Variants in CSMD3 observed in about 807,000 individuals in gnomAD.
CSMD3 encodes the protein CUB and sushi domain-containing protein 3.
Under a neutral mutation model 435.2 loss-of-function variants are expected in CSMD3, and 177 were observed. The observed-to-expected ratio is 0.41, with a 90% CI of 0.36 to 0.46. CSMD3 has a LOEUF of 0.46. Ranked by LOEUF, CSMD3 falls within the 20% of genes least tolerant of loss-of-function variation. The probability of loss-of-function intolerance (pLI) is 0.34; values close to 1 mark genes in which losing one functional copy is unlikely to be tolerated. For synonymous variants in CSMD3, 1,656 were observed against 1,520.5 expected (o/e 1.09, Z -2.07); for missense variants, 4,265 against 4,504.6 (o/e 0.95, Z 1.52).
chr8:113,141,393 C>T (rs1382104494), intron 4 of CSMD3, among the ~76,000 whole-genome samples: 2 of 150,660 alleles, frequency 1.3e-5, no homozygotes, highest in Admixed American at 1.3e-4. Context: ...AACTACTAAT[C>T]AGTATGTCAA....
chr8:113,153,067 AAAG>A (rs1323209764), intron 4 of CSMD3, among the ~76,000 whole-genome samples: 1 of 103,112 alleles, frequency 9.7e-6, no homozygotes, highest in African/African-American at 3.6e-5. Context: ...AAAAAAGAAA[AAAG>A]AAAGAAAAAG....
intron 32 of CSMD3, among the ~76,000 whole-genome samples, chr8:112,436,992 G>A (rs1814427374): frequency 6.6e-6 from 1 of 152,082 alleles, no homozygotes; most frequent in Non-Finnish European, 1.5e-5. Context: ...TATCCAATGT[G>A]GACTTTAAAC....
At chr8:112,764,251 C>A (rs1181067914) in intron 13 of CSMD3, among the ~76,000 whole-genome samples, 1 of 151,332 alleles carries the variant, frequency 6.6e-6, no homozygotes, top group Non-Finnish European at 1.5e-5. Context: ...GTGGAGGGAA[C>A]AGCATTTTCA....
intron 30 of CSMD3, among the ~76,000 whole-genome samples, chr8:112,498,971 T>A (rs1821656396): frequency 6.6e-6 from 1 of 152,152 alleles, no homozygotes; most frequent in Admixed American, 6.5e-5. Flanking sequence ...TTACTGTGTG[T>A]AGGCACTATT....
rs562823102 is a variant in CSMD3, at chr8:113,017,221, C to T, written c.1030+1846G>A. Among the ~76,000 whole-genome samples the T allele has an allele frequency of 3.9e-5, 6 of 151,998 alleles. No individual in the cohort carries two copies. In the South Asian group the frequency reaches 1.0e-3, roughly 26 times the overall value. On this transcript the variant is annotated intron_variant, in intron 6 of 70. Coordinates refer to ENST00000297405, the MANE Select transcript of CSMD3 (RefSeq NM_198123.2). ...ATGCTACTTTTCAGTGCCGAAAACGCATAATGCTTGAAAACCACAATTCCA... is the reference window on the plus strand; with the variant it reads ...ATGCTACTTTTCAGTGCCGAAAACGTATAATGCTTGAAAACCACAATTCCA...
intron 30 of CSMD3, among the ~76,000 whole-genome samples, chr8:112,497,172 T>C (rs1392486117): frequency 3.3e-5 from 5 of 151,956 alleles, no homozygotes; most frequent in African/African-American, 1.2e-4. Context: ...ACAATTGAAC[T>C]TGTAGAGATA....
intron 13 of CSMD3, among the ~76,000 whole-genome samples, chr8:112,744,278 T>A (rs546847584): frequency 6.6e-6 from 1 of 152,182 alleles, no homozygotes; most frequent in Admixed American, 6.6e-5. Context: ...ACAGAGATCA[T>A]CAGATCTTAA....
intron 30 of CSMD3, among the ~76,000 whole-genome samples, chr8:112,496,146 T>C (rs35872940): frequency 0.14 from 21,130 of 152,078 alleles, 2,033 homozygotes; most frequent in Non-Finnish European, 0.21. Flanking sequence ...ATTTTTTGTA[T>C]TTTTAGTAGA....
intron 3 of CSMD3, among the ~76,000 whole-genome samples, chr8:113,231,488 T>C (rs968567651): frequency 6.6e-5 from 10 of 151,478 alleles, no homozygotes; most frequent in African/African-American, 2.4e-4. Flanking sequence ...GGAAATATTT[T>C]TTAAAAAACA....
intron 1 of CSMD3, among the ~76,000 whole-genome samples, chr8:113,415,494 C>T (rs1018637873): frequency 1.3e-5 from 2 of 152,098 alleles, no homozygotes; most frequent in African/African-American, 4.8e-5. Context: ...TCTTCCACGA[C>T]TATGAACAGA....
chr8:112,829,093 A>C (rs1281624823), intron 12 of CSMD3, among the ~76,000 whole-genome samples: 1 of 152,206 alleles, frequency 6.6e-6, no homozygotes, highest in East Asian at 1.9e-4. Context: ...GTCAATTTAC[A>C]TACAATAAGG....
chr8:112,397,040 G>A (rs563527965), intron 35 of CSMD3, among the ~76,000 whole-genome samples: 12 of 152,090 alleles, frequency 7.9e-5, no homozygotes, highest in Non-Finnish European at 1.6e-4. Context: ...TGATATTAAC[G>A]TAAGATAGCT....
At chr8:113,403,025 T>G (rs1357688986) in intron 1 of CSMD3, among the ~76,000 whole-genome samples, 1 of 151,332 alleles carries the variant, frequency 6.6e-6, no homozygotes, top group African/African-American at 2.4e-5. Flanking sequence ...ACCCTCTGAA[T>G]GTAAAGACCA....
intron 5 of CSMD3, among the ~76,000 whole-genome samples, chr8:113,082,841 A>G (rs1464359477): frequency 6.6e-6 from 1 of 152,146 alleles, no homozygotes; most frequent in Non-Finnish European, 1.5e-5. Flanking sequence ...AATAGATTAG[A>G]TCAAGCAGGA....
At chr8:112,420,060 A>G (rs111599519) in intron 32 of CSMD3, among the ~76,000 whole-genome samples, 3,375 of 152,238 alleles carry the variant, frequency 0.022, 81 homozygotes, top group Middle Eastern at 0.048. Context: ...CATTTTGTAG[A>G]ACATGTCTGC....
chr8:113,298,004 T>A (rs2093735079), intron 2 of CSMD3, among the ~76,000 whole-genome samples: 1 of 152,128 alleles, frequency 6.6e-6, no homozygotes, highest in Non-Finnish European at 1.5e-5. Flanking sequence ...TGGATATATT[T>A]AATCAACAGG....
intron 45 of CSMD3, among the ~76,000 whole-genome samples, chr8:112,323,551 G>C (rs1402054076): frequency 6.6e-6 from 1 of 152,056 alleles, no homozygotes; most frequent in Non-Finnish European, 1.5e-5. Flanking sequence ...GAGACACAGA[G>C]ATGATCACAC....
chr8:112,917,103 G>C (rs1007327794), intron 10 of CSMD3, among the ~76,000 whole-genome samples: 1 of 151,882 alleles, frequency 6.6e-6, no homozygotes, highest in South Asian at 2.1e-4. Context: ...TCTATCAACA[G>C]TAATGGATGG....
At chr8:112,761,086 G>C (rs144959740) in intron 13 of CSMD3, among the ~76,000 whole-genome samples, 1 of 152,052 alleles carries the variant, frequency 6.6e-6, no homozygotes, top group African/African-American at 2.4e-5. Context: ...CACAATCTCT[G>C]TTCCAATTTT....
Sources: gnomAD v4.1 joint callset for allele counts (sites outside exome capture counted in the v4.1 genomes callset) on GRCh38, gnomAD v4.1.1 for gene constraint, MANE v1.5 for transcripts, NCBI Gene and HGNC (gene_info 2026-07-23, HGNC 2026-07-21) for gene names.